Variants in CHCHD3 observed in about 807,000 individuals in gnomAD.
The protein encoded by CHCHD3 is coiled-coil-helix-coiled-coil-helix domain containing 3.
A neutral mutation model predicts 38.2 loss-of-function variants in CHCHD3; 20 were observed. The ratio of observed to expected loss-of-function variants is 0.52; its 90% CI spans 0.37 to 0.76. CHCHD3 has a LOEUF of 0.76. Among genes scored for constraint, CHCHD3 ranks in the 30% least tolerant of loss-of-function variants. The pLI, the probability that CHCHD3 is intolerant of heterozygous loss-of-function variation, is 0.00. For synonymous variants in CHCHD3, 82 were observed against 100.0 expected (o/e 0.82, Z 1.07); for missense variants, 245 against 279.2 (o/e 0.88, Z 0.87).
intron 7 of CHCHD3, among the ~76,000 whole-genome samples, chr7:132,790,028 G>C (rs1806418918): frequency 1.3e-5 from 2 of 152,206 alleles, no homozygotes; most frequent in African/African-American, 4.8e-5. Context: ...CACAAAGCGA[G>C]TTTTGCCTGT....
intron 1 of CHCHD3, among the ~76,000 whole-genome samples, chr7:133,075,631 C>G (rs1814964330): frequency 6.6e-6 from 1 of 152,202 alleles, no homozygotes; most frequent in South Asian, 2.1e-4. Flanking sequence ...AAGCAGCTGA[C>G]AAGCTTTAGA....
intron 4 of CHCHD3, among the ~76,000 whole-genome samples, chr7:132,930,972 G>A (rs1418873053): frequency 2.0e-5 from 3 of 152,140 alleles, no homozygotes; most frequent in African/African-American, 7.2e-5. Context: ...CTATCTATAT[G>A]CAGGTATCAG....
chr7:133,037,488 G>A (rs1813711814), intron 2 of CHCHD3, among the ~76,000 whole-genome samples: 1 of 152,130 alleles, frequency 6.6e-6, no homozygotes, highest in Admixed American at 6.5e-5. Flanking sequence ...GTACAGTACT[G>A]AAAAAAGCCT....
rs570349153 is a variant in CHCHD3, at chr7:132,898,597, G to A, written c.370-12852C>T. On this transcript the variant is annotated intron_variant, in intron 4 of 7. Transcript: ENST00000262570. ...TGGAGTTGCCTGCCAGTCCCGCGCC[G>A]TGCGCCCGCACTCCTCAGCCCTTGG... Among the ~76,000 whole-genome samples the A allele has an allele frequency of 4.7e-3, 718 of 152,324 alleles. 5 individuals carry two copies. The highest frequency in any genetic ancestry group is 0.017 in the African/African-American group (695 of 41,580).
intron 2 of CHCHD3, among the ~76,000 whole-genome samples, chr7:133,030,934 A>T (rs1023963298): frequency 1.7e-4 from 26 of 152,198 alleles, no homozygotes; most frequent in African/African-American, 3.6e-4. Context: ...GATTGAAAGC[A>T]GCTCTGGATT....
At chr7:132,847,901 T>A (rs1808121359) in intron 5 of CHCHD3, among the ~76,000 whole-genome samples, 1 of 152,166 alleles carries the variant, frequency 6.6e-6, no homozygotes. Context: ...ATATGGAGAT[T>A]AGGGCATGAC....
intron 5 of CHCHD3, among the ~76,000 whole-genome samples, chr7:132,878,580 T>G (rs531899858): frequency 3.5e-4 from 54 of 152,346 alleles, no homozygotes; most frequent in African/African-American, 1.3e-3. Context: ...CTTTGTATTA[T>G]TCTCTTTTGC....
chr7:132,789,135 G>A (rs1397464600), intron 7 of CHCHD3, among the ~76,000 whole-genome samples: 1 of 152,128 alleles, frequency 6.6e-6, no homozygotes, highest in Non-Finnish European at 1.5e-5. Context: ...TATTGGTTCC[G>A]TAAGTACTGC....
At chr7:132,974,868 C>CG (rs749989112) in intron 4 of CHCHD3, among the ~76,000 whole-genome samples, 9 of 150,326 alleles carry the variant, frequency 6.0e-5, no homozygotes, top group Non-Finnish European at 1.2e-4. Context: ...AGCAAGACTC[C>CG]GTCTCAAAAA....
intron 3 of CHCHD3, 151 bp downstream of exon 3, chr7:133,024,395 A>G (rs1584651839): frequency 1.5e-6 from 1 of 682,410 alleles, no homozygotes; most frequent in East Asian, 2.5e-5. Flanking sequence ...GGCACAATCT[A>G]AAACCGAAAA....
intron 5 of CHCHD3, among the ~76,000 whole-genome samples, chr7:132,840,912 T>TCA (rs141931313): frequency 0.1 from 14,945 of 149,520 alleles, 926 homozygotes; most frequent in African/African-American, 0.18. Context: ...ACACACACAA[T>TCA]CACACACACA....
intron 4 of CHCHD3, among the ~76,000 whole-genome samples, chr7:132,949,031 T>A (rs186092182): frequency 1.5e-4 from 23 of 152,198 alleles, no homozygotes; most frequent in African/African-American, 5.5e-4. Flanking sequence ...CAATGTGATT[T>A]ACAATCGCAA....
intron 6 of CHCHD3, among the ~76,000 whole-genome samples, chr7:132,810,309 A>C (rs931926159): frequency 2.6e-5 from 4 of 152,246 alleles, no homozygotes; most frequent in Non-Finnish European, 5.9e-5. Flanking sequence ...GTATAAGCAC[A>C]CTGAACTGCA....
chr7:133,070,270 C>T (rs1353327430), intron 1 of CHCHD3, 41 bp from the exon 2 acceptor site: 1 of 1,550,262 alleles, frequency 6.5e-7, no homozygotes, highest in South Asian at 1.1e-5. Flanking sequence ...TATAAAACAG[C>T]AAGATCAAAA....
chr7:133,021,394 C>T (rs1384538077), intron 3 of CHCHD3, among the ~76,000 whole-genome samples: 4 of 152,188 alleles, frequency 2.6e-5, no homozygotes, highest in Non-Finnish European at 5.9e-5. Context: ...TCATGATTTC[C>T]TGCTGGGGAA....
intron 4 of CHCHD3, among the ~76,000 whole-genome samples, chr7:132,931,571 T>C (rs942886474): frequency 6.6e-6 from 1 of 152,194 alleles, no homozygotes; most frequent in Non-Finnish European, 1.5e-5. Context: ...GCAGTACTTT[T>C]TAGCCTTCCG....
At chr7:133,061,778 G>C (rs1462791053) in intron 2 of CHCHD3, among the ~76,000 whole-genome samples, 1 of 152,220 alleles carries the variant, frequency 6.6e-6, no homozygotes, top group Non-Finnish European at 1.5e-5. Flanking sequence ...AGGGGAAGCA[G>C]GGCATATAGA....
chr7:132,936,451 A>C (rs1161725982), intron 4 of CHCHD3, among the ~76,000 whole-genome samples: 2 of 152,232 alleles, frequency 1.3e-5, no homozygotes, highest in Admixed American at 1.3e-4. Flanking sequence ...GTTAAGACAC[A>C]GCAAGGTCAG....
chr7:132,829,609 A>G (rs527319516), intron 6 of CHCHD3, among the ~76,000 whole-genome samples: 86 of 152,324 alleles, frequency 5.6e-4, no homozygotes, highest in African/African-American at 1.8e-3. Flanking sequence ...TGCAACACCA[A>G]TAAACCCCAA....
Sources: allele counts gnomAD v4.1 joint callset (sites outside exome capture counted in the v4.1 genomes callset), GRCh38; gene constraint gnomAD v4.1.1; transcripts MANE v1.5; gene names NCBI Gene and HGNC (gene_info 2026-07-23, HGNC 2026-07-21).